POR: variants seen among roughly 807,000 people sequenced by gnomAD.
The protein encoded by POR is cytochrome p450 oxidoreductase, also known as NADPH--cytochrome P450 reductase.
In POR, 56 loss-of-function variants were observed where a neutral mutation model predicts 84.0. That is an observed-to-expected ratio of 0.67 (90% CI 0.54 to 0.83). The LOEUF (loss-of-function observed/expected upper bound fraction) is 0.83, where lower values mean the gene tolerates loss of function less well. Ranked by LOEUF, POR falls within the 40% of genes least tolerant of loss-of-function variation. The pLI, the probability that POR is intolerant of heterozygous loss-of-function variation, is 0.00. For missense variants in POR, 938 were observed against 944.3 expected (o/e 0.99, Z 0.09); for synonymous variants, 414 against 400.5 (o/e 1.03, Z -0.40).
At chr7:75,954,341 C>T (rs1412728459) in intron 2 of POR, among the ~76,000 whole-genome samples, 161 bp downstream of exon 2, 1 of 152,098 alleles carries the variant, frequency 6.6e-6, no homozygotes, top group African/African-American at 2.4e-5. Flanking sequence ...TTGAGCTCTC[C>T]CTTAATCATC....
intron 2 of POR, among the ~76,000 whole-genome samples, chr7:75,963,511 G>A (rs1788039278): frequency 1.3e-5 from 2 of 152,198 alleles, no homozygotes; most frequent in African/African-American, 4.8e-5. Flanking sequence ...GGGAACTGTC[G>A]GGTACTGCCG....
Position 75,986,448 on chromosome 7 carries a change from C to T in POR, c.2010C>T (p.Thr670=). The T allele has an allele frequency of 3.7e-6, 6 of 1,611,946 alleles. No individual in the cohort carries two copies. Among genetic ancestry groups the T allele is most frequent in the Non-Finnish European group, 5.1e-6 (6 of 1,179,798 alleles). Residue 670 remains threonine (T), a synonymous_variant, in exon 16 of 16, where the codon ACC becomes ACT. Coordinates refer to ENST00000461988, the MANE Select transcript of POR (RefSeq NM_000941.3). Reference sequence around the variant, plus strand: ...TGGACTACATCAAGAAACTGATGACCAAGGGCCGCTACTCCCTGGACGTGT... The same window carrying T: ...TGGACTACATCAAGAAACTGATGACTAAGGGCCGCTACTCCCTGGACGTGT...
intron 2 of POR, among the ~76,000 whole-genome samples, chr7:75,965,963 C>G (rs1788162433): frequency 6.6e-6 from 1 of 152,086 alleles, no homozygotes; most frequent in Admixed American, 6.5e-5. Flanking sequence ...GTGCACCTTG[C>G]TTGGGGAGCA....
intron 1 of POR, among the ~76,000 whole-genome samples, chr7:75,930,990 T>C (rs1554550090): frequency 5.3e-5 from 8 of 152,068 alleles, no homozygotes. Flanking sequence ...ACCTCACTAA[T>C]TTTTTAATTT....
intron 2 of POR, among the ~76,000 whole-genome samples, chr7:75,965,726 G>A (rs1257032890): frequency 6.6e-6 from 1 of 152,206 alleles, no homozygotes; most frequent in African/African-American, 2.4e-5. Context: ...CAAGGCTTTT[G>A]CGTGTGTGGA....
chr7:75,920,063 T>C (rs1554548600), intron 1 of POR, among the ~76,000 whole-genome samples: 2 of 132,682 alleles, frequency 1.5e-5, no homozygotes, highest in African/African-American at 3.0e-5. Flanking sequence ...TTTCTTTTTT[T>C]TTTTTTTTTT....
Position 75,985,049 on chromosome 7 carries a change from G to C in POR, c.1249-9G>C. ...CCAATCAGCCCCATCTCACCCCCGT[G>C]TCTCTTAGGAGCTGTACCTGAGCTG... On this transcript the variant is annotated splice_polypyrimidine_tract_variant and intron_variant, in intron 11 of 15. Coordinates refer to ENST00000461988, the MANE Select transcript of POR (RefSeq NM_000941.3). 6.3e-7 allele frequency: 1 copy of C among 1,590,938 alleles called. No individual in the cohort carries two copies. Among genetic ancestry groups the C allele is most frequent in the Non-Finnish European group, 8.5e-7 (1 of 1,172,516 alleles).
rs117535441 is a variant in POR, at chr7:75,963,529, C to T, written c.189-8884C>T. Among the ~76,000 whole-genome samples, 473 of 152,304 alleles carry T rather than the reference C, an allele frequency of 3.1e-3. 1 individual carries two copies. Among genetic ancestry groups the T allele is most frequent in the Admixed American group, 4.9e-3 (75 of 15,290 alleles). Reference sequence around the variant, plus strand: ...AACTGTCGGGTACTGCCGTGCAGAGCGCATGTTGTCTGACCTCCTGACTTC... The same window carrying T: ...AACTGTCGGGTACTGCCGTGCAGAGTGCATGTTGTCTGACCTCCTGACTTC... On this transcript the variant is annotated intron_variant, in intron 2 of 15. Transcript: ENST00000461988.
chr7:75,986,176 GCTAAAGC>G lies in POR; in HGVS notation c.1834_1840del (p.Leu612LysfsTer9). 6.2e-7 allele frequency: 1 copy of G among 1,611,902 alleles called. No homozygotes were observed. Among genetic ancestry groups the G allele is most frequent in the Non-Finnish European group, 8.5e-7 (1 of 1,179,490 alleles). ...GGCCCCAGGTCTACGTCCAGCACCT[GCTAAAGC>G]AAGACCGAGAGCACCTGTGGAAGTT... On this transcript the variant is annotated frameshift_variant, in exon 15 of 16. Coordinates refer to ENST00000461988, the MANE Select transcript of POR (RefSeq NM_000941.3). LOFTEE classifies it high-confidence loss of function.
rs147834214 is a variant in POR, at chr7:75,923,307, A to G, written c.-5+8128A>G. The G allele has an allele frequency of 6.6e-5, 79 of 1,202,302 alleles. No homozygotes were observed. In the African/African-American group the frequency reaches 1.1e-3, roughly 17 times the overall value. 74.5% of individuals were successfully genotyped at this position (1,202,302 alleles called of 1,614,324 possible). A position where few individuals can be genotyped will look rare whatever the true frequency, so the allele number is the denominator to read the frequency against. ...CTTCCCAAGGAAGCATTTCCAGGAG[A>G]TCTCATGGTTCTTGTCCCCTTTCCA... On this transcript the variant is annotated intron_variant, in intron 1 of 15. Coordinates refer to ENST00000461988, the MANE Select transcript of POR (RefSeq NM_000941.3).
At chr7:75,922,008 C>G (rs879970272) in intron 1 of POR, among the ~76,000 whole-genome samples, 8 of 152,186 alleles carry the variant, frequency 5.3e-5, no homozygotes, top group Non-Finnish European at 1.2e-4. Flanking sequence ...TGCCCGGTCA[C>G]TGTCACTGTC....
chr7:75,934,038 C>G (rs1290844362), intron 1 of POR, among the ~76,000 whole-genome samples: 2 of 146,698 alleles, frequency 1.4e-5, no homozygotes, highest in Admixed American at 1.4e-4. Flanking sequence ...CCTGTGTTGT[C>G]TAATCATAGA....
chr7:75,979,959 G>A (rs1788918182), intron 4 of POR, among the ~76,000 whole-genome samples: 1 of 152,172 alleles, frequency 6.6e-6, no homozygotes, highest in African/African-American at 2.4e-5. Context: ...TGCAGTTGAT[G>A]AACAGTTTAG....
Position 75,983,728 on chromosome 7 carries a change from C to T in POR, c.948-10C>T. 1 of 1,611,764 alleles carries T rather than the reference C, an allele frequency of 6.2e-7. No individual in the cohort carries two copies. Among genetic ancestry groups the T allele is most frequent in the Non-Finnish European group, 8.5e-7 (1 of 1,179,046 alleles). On this transcript the variant is annotated splice_polypyrimidine_tract_variant and intron_variant, in intron 9 of 15. Coordinates refer to ENST00000461988, the MANE Select transcript of POR (RefSeq NM_000941.3). ...CTTCCGCCCCTCCCGAGCCTCACAT[C>T]TCCCTCCAGGTATGAATCTGGGGAC...
chr7:75,949,128 C>G (rs959603914), intron 1 of POR, among the ~76,000 whole-genome samples: 8 of 151,606 alleles, frequency 5.3e-5, no homozygotes, highest in African/African-American at 1.9e-4. Context: ...TGTGTAAGGA[C>G]TTCAGGGCTT....
At chr7:75,940,875 C>T (rs1554551421) in intron 1 of POR, among the ~76,000 whole-genome samples, 1 of 151,884 alleles carries the variant, frequency 6.6e-6, no homozygotes, top group East Asian at 1.9e-4. Context: ...AACAAAGATG[C>T]AGGGGCCGGG....
At position 75,982,337 on chromosome 7, in the gene POR, C is replaced by G; in HGVS notation, c.830+15C>G. The stretch of plus-strand genomic sequence containing the variant: ...AACCAGAAGCCGTGAGTGGAGGGAG[C>G]GTGGCTTGGGGCAGACGGCTCTATG... On this transcript the variant is annotated intron_variant, in intron 8 of 15. Coordinates refer to ENST00000461988, the MANE Select transcript of POR (RefSeq NM_000941.3). 6.2e-7 allele frequency: 1 copy of G among 1,600,850 alleles called. No homozygotes were observed. Among genetic ancestry groups the G allele is most frequent in the Non-Finnish European group, 8.5e-7 (1 of 1,172,882 alleles).
intron 3 of POR, among the ~76,000 whole-genome samples, chr7:75,977,373 G>GT (rs1324866088): frequency 6.6e-6 from 1 of 152,188 alleles, no homozygotes; most frequent in Non-Finnish European, 1.5e-5. Context: ...GACACACCAC[G>GT]TGTAGCTGTG....
At chr7:75,985,378 G>A (rs1563434845) in intron 12 of POR, 171 bp downstream of exon 12, 1 of 1,149,154 alleles carries the variant, frequency 8.7e-7, no homozygotes, top group African/African-American at 1.6e-5. Flanking sequence ...GGGCTGGCTT[G>A]TGAGATTCTC....
Sources: gnomAD v4.1 joint callset for allele counts (sites outside exome capture counted in the v4.1 genomes callset) on GRCh38, gnomAD v4.1.1 for gene constraint, MANE v1.5 for transcripts, NCBI Gene and HGNC (gene_info 2026-07-23, HGNC 2026-07-21) for gene names.